CEL: variants seen among roughly 807,000 people sequenced by gnomAD.
CEL encodes the protein carboxyl ester lipase.
Under a neutral mutation model 57.1 loss-of-function variants are expected in CEL, and 39 were observed. That is an observed-to-expected ratio of 0.68 (90% CI 0.53 to 0.89). CEL has a LOEUF of 0.89. Among genes scored for constraint, CEL ranks in the 40% least tolerant of loss-of-function variants. The pLI is 0.00. For missense variants in CEL, 698 were observed against 915.0 expected (o/e 0.76, Z 3.06); for synonymous variants, 314 against 396.6 (o/e 0.79, Z 2.48).
rs1830149519 is a variant in CEL at position 133,064,839 on chromosome 9, G to C, written c.340+77G>C. ...GGGTCTACTCCTGGCTTGAGTCTGG[G>C]GGCTGCAAAGCTGAACTTCCATGAA... On this transcript the variant is annotated intron_variant, in intron 3 of 10. Transcript: ENST00000372080. 3 of 1,604,890 alleles carry C rather than the reference G, an allele frequency of 1.9e-6. No individual in the cohort carries two copies. In the East Asian group the frequency reaches 6.7e-5, roughly 36 times the overall value.
In CEL at chr9:133,066,648, C is replaced by T. The variant is rs202216787; in HGVS notation, c.657C>T (p.Ser219=). The T allele has an allele frequency of 4.8e-4, 767 of 1,613,320 alleles. 2 individuals carry two copies. Among genetic ancestry groups the T allele is most frequent in the Non-Finnish European group, 5.5e-4 (651 of 1,179,866 alleles). The change falls in exon 5 of 11, where the codon AGC becomes AGT. Residue 219 remains serine, a synonymous_variant. Transcript: ENST00000372080. The surrounding 1 kb of genome is among the most constrained non-coding windows in gnomAD (Gnocchi z 4.3). ...TLFGESAGGA[S]VSLQTLSPYN... ...TCGGGGAGTCTGCTGGAGGTGCCAG[C>T]GTCTCTCTGCAGGTCTCGGGATCCC...
intron 1 of CEL, among the ~76,000 whole-genome samples, chr9:133,063,904 G>A (rs571589896): frequency 1.5e-4 from 23 of 152,322 alleles, no homozygotes; most frequent in Middle Eastern, 6.8e-3. Context: ...AGGGAGATGG[G>A]AGGAGGGAAA....
chr9:133,066,950 A>AAGGGGT lies in CEL; in HGVS notation c.777+5_777+6insAGGGGT. ...CCACTCTTCTGGGCCAAAAAGGTAAACGGAGGAGGGCAGGGCTGGGCGGGG... is the reference window on the plus strand; with the variant it reads ...CCACTCTTCTGGGCCAAAAAGGTAAAAGGGGTCGGAGGAGGGCAGGGCTGGGCGGGG... On this transcript the variant is annotated splice_donor_region_variant and intron_variant, in intron 6 of 10. Coordinates refer to ENST00000372080, the MANE Select transcript of CEL (RefSeq NM_001807.6). The surrounding 1 kb of genome is among the most constrained non-coding windows in gnomAD (Gnocchi z 4.3). The AAGGGGT allele has an allele frequency of 9.3e-7, 1 of 1,070,260 alleles. No homozygotes were observed. The highest frequency in any genetic ancestry group is 1.3e-6 in the Non-Finnish European group (1 of 741,034). 66.3% of individuals were successfully genotyped at this position (1,070,260 alleles called of 1,614,324 possible). A position where few individuals can be genotyped will look rare whatever the true frequency, so the allele number is the denominator to read the frequency against.
Position 133,065,277 on chromosome 9 carries a change from A to G in CEL, c.538+40A>G, listed in dbSNP as rs934698438. The G allele has an allele frequency of 1.0e-5, 16 of 1,602,562 alleles. No individual in the cohort carries two copies. The African/African-American group carries it at 1.9e-4, about 19-fold the overall frequency. On this transcript the variant is annotated intron_variant, in intron 4 of 10. Coordinates refer to ENST00000372080, the MANE Select transcript of CEL (RefSeq NM_001807.6). The stretch of plus-strand genomic sequence containing the variant: ...TCGGCCCTGAGGTGGGGCGACCAGC[A>G]TGCTGAGCCCAGCAGGGAGATTTTC...
intron 3 of CEL, 53 bp downstream of exon 3, chr9:133,064,815 G>A: frequency 6.2e-7 from 1 of 1,612,258 alleles, no homozygotes; most frequent in African/African-American, 1.3e-5. Context: ...CACTGCCCCG[G>A]GTCTACTCCT....
rs200355853 is a variant in CEL, at chr9:133,071,716, C to G, written c.2214C>G (p.Pro738=). ...ACTCTGAGGCTGCCCCTGTGCCCCC[C>G]ACAGATGACTCCAAGGAAGCTCAGA... The part of the protein sequence containing the change: ...TGDSEAAPVP[P]TDDSKEAQMP... The change falls in exon 11 of 11, where the codon CCC becomes CCG. Residue 738 remains proline (P), a synonymous_variant. Transcript: ENST00000372080. 11 of 1,612,298 alleles carry G rather than the reference C, an allele frequency of 6.8e-6. No individual in the cohort carries two copies. The Admixed American group carries it at 1.5e-4, about 22-fold the overall frequency.
At chr9:133,065,293 G>A in intron 4 of CEL, 56 bp downstream of exon 4, 2 of 1,592,052 alleles carry the variant, frequency 1.3e-6, no homozygotes, top group Non-Finnish European at 1.7e-6. Context: ...AGCCCAGCAG[G>A]GAGATTTTCC....
At chr9:133,063,322 T>C (rs907426162) in intron 1 of CEL, among the ~76,000 whole-genome samples, 2 of 152,296 alleles carry the variant, frequency 1.3e-5, no homozygotes, top group Admixed American at 1.3e-4. Flanking sequence ...ATCACGCCAC[T>C]GGCACAAGGA....
rs966622121 is a variant in CEL, at chr9:133,071,248, G to T, written c.1746G>T (p.Val582=). ...CGGGTGACTCCGAGACCGCCCCCGT[G>T]CCGCCCACGGGTGACTCCGGGGCCC... The part of the protein sequence containing the change: ...PPTGDSETAP[V]PPTGDSGAPP... Residue 582 remains valine, a synonymous_variant, in exon 11 of 11, where the codon GTG becomes GTT. Coordinates refer to ENST00000372080, the MANE Select transcript of CEL (RefSeq NM_001807.6). 6.3e-7 allele frequency: 1 copy of T among 1,575,180 alleles called. No homozygotes were observed. Among genetic ancestry groups the T allele is most frequent in the Admixed American group, 1.7e-5 (1 of 57,618 alleles).
chr9:133,067,010 A>G lies in CEL; in HGVS notation c.777+65A>G. On this transcript the variant is annotated intron_variant, in intron 6 of 10. Coordinates refer to ENST00000372080, the MANE Select transcript of CEL (RefSeq NM_001807.6). ...TCCACATTTCCGTTCTTTATCCTGG[A>G]CCCCATCCTTGCCTTCAAATGGTTC... is the stretch of plus-strand genomic sequence containing the variant. 7 of 1,604,856 alleles carry G rather than the reference A, an allele frequency of 4.4e-6. No individual in the cohort carries two copies. The South Asian group carries it at 5.5e-5, about 13-fold the overall frequency.
intron 1 of CEL, among the ~76,000 whole-genome samples, chr9:133,062,994 G>T (rs551630798): frequency 6.6e-6 from 1 of 151,788 alleles, no homozygotes; most frequent in Non-Finnish European, 1.5e-5. Context: ...ACAGGAAGCC[G>T]GTGTCGGTGC....
chr9:133,066,800 G>A lies in CEL; in HGVS notation c.670-38G>A. 1 of 1,608,222 alleles carries A rather than the reference G, an allele frequency of 6.2e-7. No homozygotes were observed. The highest frequency in any genetic ancestry group is 8.5e-7 in the Non-Finnish European group (1 of 1,176,568). On this transcript the variant is annotated intron_variant, in intron 5 of 10. Transcript: ENST00000372080. This position sits in a 1 kb window ranked among gnomAD's most constrained non-coding sequence, Gnocchi z 4.3. ...GTCCCAGCGTGGGGTGGGCAGAGTGGGGAGCGGCCTTGGTGACGGGATTTC... is the reference window on the plus strand; with the variant it reads ...GTCCCAGCGTGGGGTGGGCAGAGTGAGGAGCGGCCTTGGTGACGGGATTTC...
At chr9:133,067,344 CG>C in intron 7 of CEL, 139 bp downstream of exon 7, 1 of 783,008 alleles carries the variant, frequency 1.3e-6, no homozygotes, top group Non-Finnish European at 2.2e-6. Flanking sequence ...TGTCTCCCCT[CG>C]AAGGCCCCAG....
rs1443569974 is a variant in CEL at position 133,066,783 on chromosome 9, G to A, written c.670-55G>A. ...GGTGCTGGGGTGTCCTTGTCCCAGCGTGGGGTGGGCAGAGTGGGGAGCGGC... is the reference window on the plus strand; with the variant it reads ...GGTGCTGGGGTGTCCTTGTCCCAGCATGGGGTGGGCAGAGTGGGGAGCGGC... On this transcript the variant is annotated intron_variant, in intron 5 of 10. Transcript: ENST00000372080. The surrounding 1 kb of genome is among the most constrained non-coding windows in gnomAD (Gnocchi z 4.3). The A allele has an allele frequency of 9.3e-6, 15 of 1,606,332 alleles. No individual in the cohort carries two copies. Among genetic ancestry groups the A allele is most frequent in the East Asian group, 6.7e-5 (3 of 44,792 alleles).
rs1830154678 is a variant in CEL at position 133,065,095 on chromosome 9, G to A, written c.396G>A (p.Gly132=). 6.2e-7 allele frequency: 1 copy of A among 1,613,844 alleles called. No homozygotes were observed. The highest frequency in any genetic ancestry group is 1.7e-5 in the Admixed American group (1 of 60,014). The change falls in exon 4 of 11, where the codon GGG becomes GGA. Residue 132 remains glycine, a synonymous_variant. Coordinates refer to ENST00000372080, the MANE Select transcript of CEL (RefSeq NM_001807.6). ...TCTATGGAGGCGCCTTCCTCATGGG[G>A]TCCGGCCATGGGGCCAACTTCCTCA... ...IWIYGGAFLM[G]SGHGANFLNN...
At position 133,066,740 on chromosome 9, in the gene CEL, G is replaced by A. The variant is rs958573610; in HGVS notation, c.669+80G>A. ...CGGGAAGGGGAGGGTGGGAGGAGGA[G>A]CGTGGAGCTGGGGCTGTGGTGCTGG... On this transcript the variant is annotated intron_variant, in intron 5 of 10. Coordinates refer to ENST00000372080, the MANE Select transcript of CEL (RefSeq NM_001807.6). This position sits in a 1 kb window ranked among gnomAD's most constrained non-coding sequence, Gnocchi z 4.3. The A allele has an allele frequency of 2.5e-6, 4 of 1,607,232 alleles. No homozygotes were observed. In the African/African-American group the frequency reaches 5.4e-5, roughly 22 times the overall value.
chr9:133,064,509 CCCA>C lies in CEL; in HGVS notation c.176_178del (p.Thr59del), dbSNP rs1326842495. The C allele has an allele frequency of 5.0e-6, 8 of 1,614,156 alleles. No individual in the cohort carries two copies. The highest frequency in any genetic ancestry group is 6.8e-6 in the Non-Finnish European group (8 of 1,180,008). ...CTTCAAGGGCATCCCCTTCGCAGCT[CCCA>C]CCAAGGCCCTGGAAAATCCTCAGCC... is the stretch of plus-strand genomic sequence containing the variant. On this transcript the variant is annotated inframe_deletion, in exon 2 of 11. Coordinates refer to ENST00000372080, the MANE Select transcript of CEL (RefSeq NM_001807.6).
At position 133,071,668 on chromosome 9, in the gene CEL, C is replaced by A. The variant is rs565729464; in HGVS notation, c.2166C>A (p.Ala722=). ...APVPPTGDSG[A]PPVPPTGDSE... ...TGCCGCCCACGGGTGACTCCGGGGC[C>A]CCCCCTGTGCCCCCCACGGGTGACT... The change falls in exon 11 of 11, where the codon GCC becomes GCA. Residue 722 remains alanine (A), a synonymous_variant. Transcript: ENST00000372080. The A allele has an allele frequency of 1.3e-6, 2 of 1,579,132 alleles. No homozygotes were observed. The highest frequency in any genetic ancestry group is 8.7e-7 in the Non-Finnish European group (1 of 1,154,160).
chr9:133,071,852 C>G lies in CEL; in HGVS notation c.*88C>G, dbSNP rs1281553387. ...CTTGAGCTCTTCCTGAATAAAGCCT[C>G]ATACCCCTGTCGGTGTCTTTCTTTG... On this transcript the variant is annotated 3_prime_UTR_variant, in exon 11 of 11. Transcript: ENST00000372080. 7.3e-6 allele frequency: 9 copies of G among 1,232,884 alleles called. No individual in the cohort carries two copies. The highest frequency in any genetic ancestry group is 1.1e-5 in the Non-Finnish European group (9 of 849,520). The allele number at this position is 1,232,884 out of a possible 1,614,324, so 76.4% of individuals were successfully genotyped here.
Sources: gnomAD v4.1 joint callset for allele counts (sites outside exome capture counted in the v4.1 genomes callset) on GRCh38, gnomAD v4.1.1 for gene constraint, Gnocchi (gnomAD v3.1) non-coding constraint, MANE v1.5 for transcripts, NCBI Gene and HGNC (gene_info 2026-07-23, HGNC 2026-07-21) for gene names.